The following VRK2 variants were observed in gnomAD, a reference collection of about 807,000 sequenced individuals.
VRK2 encodes VRK serine/threonine kinase 2.
VRK2 carries 60 observed loss-of-function variants against 57.6 expected under a neutral mutation model. That is an observed-to-expected ratio of 1.04 (90% CI 0.85 to 1.29). The LOEUF (loss-of-function observed/expected upper bound fraction) is 1.29, where lower values mean the gene tolerates loss of function less well. VRK2 is among the 50% of genes most tolerant of loss of function. The probability of loss-of-function intolerance (pLI) is 0.00; values close to 1 mark genes in which losing one functional copy is unlikely to be tolerated. For missense variants in VRK2, 705 were observed against 588.1 expected, an observed-to-expected ratio of 1.20 and a Z score of -2.06; for synonymous variants, 231 against 199.2, an observed-to-expected ratio of 1.16 and a Z score of -1.35.
At chr2:57,942,520 C>G (rs1671132311) in intron 1 of VRK2, among the ~76,000 whole-genome samples, 1 of 151,894 alleles carries the variant, frequency 6.6e-6, no homozygotes, top group Admixed American at 6.6e-5. Flanking sequence ...TTATGTTTTA[C>G]TAAATGTCAT....
At chr2:58,088,647 A>G (rs1256386350) in intron 6 of VRK2, among the ~76,000 whole-genome samples, 1 of 152,220 alleles carries the variant, frequency 6.6e-6, no homozygotes, top group African/African-American at 2.4e-5. Flanking sequence ...TGGCACTGCA[A>G]ACTCAATTAG....
rs550065702 is a variant in VRK2, at chr2:58,038,322, T to A, written c.-6+4769T>A. 1.4e-4 allele frequency among the ~76,000 whole-genome samples: 22 copies of A among 152,234 alleles called. No homozygotes were observed. The Middle Eastern group carries it at 0.01, about 71-fold the overall frequency. On this transcript the variant is annotated intron_variant, in intron 3 of 15. Coordinates refer to the VRK2 transcript ENST00000417641. ...AAGGTACTTGAAGTTTCTTGAGGCC[T>A]CCCCAGCCATGCTAAACTGTAAGTC... is the stretch of plus-strand genomic sequence containing the variant.
chr2:58,095,100 C>A (rs562987087), intron 7 of VRK2, among the ~76,000 whole-genome samples: 115 of 152,100 alleles, frequency 7.6e-4, no homozygotes, highest in African/African-American at 2.7e-3. Context: ...TAGAGACCAT[C>A]CTGGCTAACA....
At chr2:58,116,879 G>A (rs954639961) in intron 7 of VRK2, among the ~76,000 whole-genome samples, 4 of 152,220 alleles carry the variant, frequency 2.6e-5, no homozygotes, top group Non-Finnish European at 5.9e-5. Context: ...CTTGTAGCAA[G>A]CTCCTGGGGG....
At chr2:58,118,396 A>G (rs1019739166) in intron 7 of VRK2, among the ~76,000 whole-genome samples, 22 of 152,236 alleles carry the variant, frequency 1.4e-4, no homozygotes, top group African/African-American at 4.6e-4. Context: ...TTTTGGGTCC[A>G]TGGATAAAAC....
chr2:58,157,223 A>C (rs1684019197), intron 12 of VRK2, among the ~76,000 whole-genome samples: 1 of 152,056 alleles, frequency 6.6e-6, no homozygotes. Context: ...CTGGTATCAG[A>C]TTTTCATGGC....
chr2:58,132,143 C>A, intron 9 of VRK2: 1 of 527,040 alleles, frequency 1.9e-6, no homozygotes, highest in Non-Finnish European at 3.2e-6. Flanking sequence ...AATTACAGTG[C>A]AAAATATAAA....
At chr2:57,952,131 GAGAT>G (rs1443100902) in intron 1 of VRK2, among the ~76,000 whole-genome samples, 1 of 151,718 alleles carries the variant, frequency 6.6e-6, no homozygotes, top group Non-Finnish European at 1.5e-5. Context: ...GAGAGAGATA[GAGAT>G]AGAGATAGAG....
rs569587681 is a variant in VRK2 at position 58,009,026 on chromosome 2, G to C, written c.-438-16639G>C. Among the ~76,000 whole-genome samples, 27 of 152,116 alleles carry C rather than the reference G, an allele frequency of 1.8e-4. 1 individual carries two copies. In the South Asian group the frequency reaches 2.1e-3, roughly 12 times the overall value. On this transcript the variant is annotated intron_variant, in intron 1 of 15. Coordinates refer to the VRK2 transcript ENST00000417641. ...TTCCCTCTGCCAACCCCTTTAATAA[G>C]GGCAACTAATTCCATTCACAAGGAA...
At chr2:57,913,516 GGAA>G (rs1670055394) in intron 1 of VRK2, among the ~76,000 whole-genome samples, 1 of 151,932 alleles carries the variant, frequency 6.6e-6, no homozygotes, top group East Asian at 1.9e-4. Context: ...AAATTACAGA[GGAA>G]TAAAGTTGAA....
At chr2:58,089,791 C>T (rs1478706401) in intron 7 of VRK2, 68 bp downstream of exon 7, 4 of 1,094,142 alleles carry the variant, frequency 3.7e-6, no homozygotes, top group Non-Finnish European at 5.5e-6. Context: ...AGAAAACAAA[C>T]TTCTAACCCA....
intron 1 of VRK2, among the ~76,000 whole-genome samples, chr2:58,002,757 T>C (rs1278271544): frequency 3.9e-5 from 6 of 152,188 alleles, no homozygotes; most frequent in Non-Finnish European, 7.3e-5. Context: ...AACAGGTGTT[T>C]TACAATATAA....
rs560059451 is a variant in VRK2 at position 57,921,788 on chromosome 2, T to C, written c.-439+13949T>C. ...AAGCTAGGAGTTGCTATGATTTATG[T>C]TTTATAATAGCCCCTCCTTTCCATT... On this transcript the variant is annotated intron_variant, in intron 1 of 15. Transcript: ENST00000417641. Among the ~76,000 whole-genome samples, 8 of 152,208 alleles carry C rather than the reference T, an allele frequency of 5.3e-5. No homozygotes were observed. The South Asian group carries it at 1.7e-3, about 32-fold the overall frequency.
chr2:57,909,829 C>T (rs1292803728), intron 1 of VRK2, among the ~76,000 whole-genome samples: 1 of 152,004 alleles, frequency 6.6e-6, no homozygotes, highest in Admixed American at 6.6e-5. Flanking sequence ...TTTCTGAAAG[C>T]GTTAAATTAT....
chr2:58,133,121 ATT>A (rs1553419846), intron 9 of VRK2, among the ~76,000 whole-genome samples: 3 of 152,124 alleles, frequency 2.0e-5, no homozygotes, highest in Non-Finnish European at 4.4e-5. Context: ...ATGATTATAT[ATT>A]TGTTTTTTGA....
intron 1 of VRK2, among the ~76,000 whole-genome samples, chr2:57,925,953 T>A (rs561021836): frequency 7.2e-5 from 11 of 152,122 alleles, no homozygotes; most frequent in Non-Finnish European, 1.5e-4. Context: ...TTGAAAAAAA[T>A]GTTTTAATTT....
chr2:58,043,803 C>T (rs1194555811), upstream of VRK2, among the ~76,000 whole-genome samples: 1 of 152,144 alleles, frequency 6.6e-6, no homozygotes, highest in South Asian at 2.1e-4. Flanking sequence ...AAGAACCTGC[C>T]AAACTGTTTT....
At chr2:58,116,451 C>T (rs1391457428) in intron 7 of VRK2, among the ~76,000 whole-genome samples, 1 of 151,940 alleles carries the variant, frequency 6.6e-6, no homozygotes, top group Non-Finnish European at 1.5e-5. Context: ...AGAGTATTGT[C>T]TAAGTTGGCA....
chr2:57,973,178 C>T (rs377647602), intron 1 of VRK2, among the ~76,000 whole-genome samples: 11 of 152,006 alleles, frequency 7.2e-5, no homozygotes, highest in African/African-American at 2.4e-4. Context: ...GCCTTGCCAA[C>T]AGTTGTCAAA....
Sources: allele counts gnomAD v4.1 joint callset (sites outside exome capture counted in the v4.1 genomes callset), GRCh38; gene constraint gnomAD v4.1.1; transcripts MANE v1.5; gene names NCBI Gene and HGNC (gene_info 2026-07-23, HGNC 2026-07-21).